The following AAMDC variants were observed in gnomAD, a reference collection of about 807,000 sequenced individuals.
The protein encoded by AAMDC is adipogenesis associated Mth938 domain containing.
A neutral mutation model predicts 15.5 loss-of-function variants in AAMDC; 16 were observed. That is an observed-to-expected ratio of 1.03 (90% CI 0.70 to 1.57). The LOEUF (loss-of-function observed/expected upper bound fraction) is 1.57. Among genes scored for constraint, AAMDC ranks in the 40% most tolerant of loss-of-function variants. AAMDC has a pLI of 0.00. For synonymous variants in AAMDC, 51 were observed against 51.6 expected, an observed-to-expected ratio of 0.99 and a Z score of 0.05; for missense variants, 141 against 144.9, an observed-to-expected ratio of 0.97 and a Z score of 0.14.
intron 2 of AAMDC, among the ~76,000 whole-genome samples, chr11:77,848,580 G>A (rs1258370227): frequency 6.6e-6 from 1 of 152,048 alleles, no homozygotes; most frequent in Non-Finnish European, 1.5e-5. Flanking sequence ...GGTTGGTCTC[G>A]AACGCCTGAC....
At chr11:77,880,775 T>C (rs1288439104) in intron 5 of AAMDC, among the ~76,000 whole-genome samples, 2 of 151,962 alleles carry the variant, frequency 1.3e-5, no homozygotes, top group East Asian at 1.9e-4. Context: ...CTGGGCAACA[T>C]AGTGAGACCT....
chr11:77,833,222 G>C (rs982454959), intron 1 of AAMDC, among the ~76,000 whole-genome samples: 2 of 151,376 alleles, frequency 1.3e-5, no homozygotes, highest in African/African-American at 4.9e-5. Flanking sequence ...TGTTGGCCAG[G>C]CTGTTTATTT....
chr11:77,900,117 A>G (rs7943408), intron 5 of AAMDC, among the ~76,000 whole-genome samples: 299 of 151,186 alleles, frequency 2.0e-3, no homozygotes, highest in African/African-American at 6.8e-3. Context: ...TTTTTTATAT[A>G]AAGATGGAGT....
intron 5 of AAMDC, among the ~76,000 whole-genome samples, chr11:77,883,640 A>G (rs1014822347): frequency 6.6e-6 from 1 of 152,180 alleles, no homozygotes; most frequent in African/African-American, 2.4e-5. Flanking sequence ...CAATCAAAGC[A>G]CTGTAGCAAA....
At chr11:77,895,744 A>G (rs1326015668) in intron 5 of AAMDC, among the ~76,000 whole-genome samples, 1 of 152,070 alleles carries the variant, frequency 6.6e-6, no homozygotes. Flanking sequence ...CTGATTATAT[A>G]GAGAATCATC....
chr11:77,825,671 A>G (rs1259730938), intron 1 of AAMDC, among the ~76,000 whole-genome samples: 1 of 152,014 alleles, frequency 6.6e-6, no homozygotes, highest in African/African-American at 2.4e-5. Context: ...AGACACCTTT[A>G]GAAGTGTCTT....
At chr11:77,841,313 A>C (rs1949922123) in intron 1 of AAMDC, 3 of 681,170 alleles carry the variant, frequency 4.4e-6, no homozygotes, top group Non-Finnish European at 8.1e-6. Context: ...CACTAAACTA[A>C]ATCTATGAAT....
chr11:77,846,960 C>A (rs1251121209), intron 2 of AAMDC, among the ~76,000 whole-genome samples: 1 of 152,088 alleles, frequency 6.6e-6, no homozygotes, highest in East Asian at 1.9e-4. Flanking sequence ...AATCTGGGAT[C>A]ACTTTTAATT....
intron 5 of AAMDC, among the ~76,000 whole-genome samples, chr11:77,892,024 G>T (rs1183615517): frequency 6.6e-6 from 1 of 152,068 alleles, no homozygotes; most frequent in Non-Finnish European, 1.5e-5. Context: ...CATCAGAAAG[G>T]CCTCTGTTTA....
chr11:77,842,610 G>A lies in AAMDC; in HGVS notation c.114G>A (p.Trp38Ter). 1 of 1,613,942 alleles carries A rather than the reference G, an allele frequency of 6.2e-7. No individual in the cohort carries two copies. The highest frequency in any genetic ancestry group is 8.5e-7 in the Non-Finnish European group (1 of 1,179,946). ...CAGGGGGTAGTCGGACTTGGGATTG[G>A]AGAGAAACAGGAACTGAGGTAAGAT... ...VWPGGSRTWD[W>*]RETGTEHSPG... The change falls in exon 2 of 4, where the codon TGG becomes TGA. Residue 38 changes from tryptophan to a stop codon, truncating the protein, a stop_gained. Transcript: ENST00000393427. LOFTEE classifies it high-confidence loss of function.
chr11:77,834,635 G>A (rs111267033), intron 1 of AAMDC, among the ~76,000 whole-genome samples: 40 of 151,880 alleles, frequency 2.6e-4, no homozygotes, highest in Admixed American at 2.6e-3. Context: ...GGCTGATCTC[G>A]AACTCCTGAC....
At chr11:77,898,912 T>G (rs911206896) in intron 5 of AAMDC, among the ~76,000 whole-genome samples, 2 of 152,002 alleles carry the variant, frequency 1.3e-5, no homozygotes, top group Admixed American at 6.6e-5. Flanking sequence ...CCCAGCTACT[T>G]GGGAGGCTGA....
intron 5 of AAMDC, among the ~76,000 whole-genome samples, chr11:77,889,014 T>G (rs11237318): frequency 0.2 from 30,871 of 152,120 alleles, 3,190 homozygotes; most frequent in Middle Eastern, 0.24. Flanking sequence ...GATGTCAGTG[T>G]GGCAATTCCT....
At chr11:77,852,239 A>AAAAAAAAAAAAG (rs1565205847) in intron 2 of AAMDC, among the ~76,000 whole-genome samples, 1 of 133,828 alleles carries the variant, frequency 7.5e-6, no homozygotes, top group African/African-American at 2.8e-5. Flanking sequence ...AAAAAAAAAA[A>AAAAAAAAAAAAG]AAGAAGAAGA....
chr11:77,870,487 C>T (rs931897893), intron 3 of AAMDC, among the ~76,000 whole-genome samples: 3 of 151,724 alleles, frequency 2.0e-5, no homozygotes, highest in African/African-American at 7.3e-5. Flanking sequence ...CAGGCGCCCA[C>T]CACCACGCCT....
chr11:77,894,332 C>T lies in AAMDC; in HGVS notation c.329-6239C>T, dbSNP rs1012998996. 21 of 1,562,904 alleles carry T rather than the reference C, an allele frequency of 1.3e-5. No homozygotes were observed. In the African/African-American group the frequency reaches 2.9e-4, roughly 21 times the overall value. On this transcript the variant is annotated intron_variant, in intron 5 of 5. Coordinates refer to the AAMDC transcript ENST00000304716. Reference sequence around the variant, plus strand: ...TTCCTGTAAAAATTTTTCACACATCCCAAATAAGGGGTCAAGTCTGTAGAA... The same window carrying T: ...TTCCTGTAAAAATTTTTCACACATCTCAAATAAGGGGTCAAGTCTGTAGAA...
In AAMDC at chr11:77,872,066, G is replaced by T. The variant is rs1375737670; in HGVS notation, c.229-109G>T. 3 of 1,255,626 alleles carry T rather than the reference G, an allele frequency of 2.4e-6. No individual in the cohort carries two copies. In the East Asian group the frequency reaches 7.9e-5, roughly 33 times the overall value. The allele number at this position is 1,255,626 out of a possible 1,614,324, so 77.8% of individuals were successfully genotyped here. Reference sequence around the variant, plus strand: ...TGGTGATACACTGAGTGATCGTGAAGTGACGATTGTCACTGTCTAATTCTG... The same window carrying T: ...TGGTGATACACTGAGTGATCGTGAATTGACGATTGTCACTGTCTAATTCTG... On this transcript the variant is annotated intron_variant, in intron 3 of 3. Transcript: ENST00000393427.
intron 1 of AAMDC, among the ~76,000 whole-genome samples, chr11:77,827,065 A>G (rs1239586034): frequency 2.0e-5 from 3 of 152,010 alleles, no homozygotes; most frequent in African/African-American, 7.2e-5. Flanking sequence ...AGATGGGGCC[A>G]CTGCACTTCA....
intron 5 of AAMDC, among the ~76,000 whole-genome samples, chr11:77,897,435 C>T (rs1034104798): frequency 5.1e-4 from 77 of 151,170 alleles, no homozygotes; most frequent in Non-Finnish European, 9.7e-4. Flanking sequence ...TATTTATAAA[C>T]ATAAAAATTA....
Sources: allele counts gnomAD v4.1 joint callset (sites outside exome capture counted in the v4.1 genomes callset), GRCh38; gene constraint gnomAD v4.1.1; transcripts MANE v1.5; gene names NCBI Gene and HGNC (gene_info 2026-07-23, HGNC 2026-07-21).